RHCE: variants seen among roughly 807,000 people sequenced by gnomAD.
The protein encoded by RHCE is blood group Rh(CE) polypeptide.
RHCE carries 22 observed loss-of-function variants against 43.8 expected under a neutral mutation model. The observed-to-expected ratio is 0.50, with a 90% confidence interval of 0.36 to 0.72. The LOEUF (loss-of-function observed/expected upper bound fraction) is 0.72. Ranked by LOEUF, RHCE falls within the 30% of genes least tolerant of loss-of-function variation. The probability of loss-of-function intolerance (pLI) is 0.00; values close to 1 mark genes in which losing one functional copy is unlikely to be tolerated. For synonymous variants in RHCE, 156 were observed against 210.7 expected (o/e 0.74, Z 2.25); for missense variants, 385 against 525.4 (o/e 0.73, Z 2.61).
chr1:25,383,641 C>T lies in RHCE; in HGVS notation c.1073+2070G>A, dbSNP rs562158170. ...TTACTCTCAGCAAACCAAAGACTTC[C>T]GGAAGAGAGATCATCACTGTCACTA... On this transcript the variant is annotated intron_variant, in intron 7 of 9. Transcript: ENST00000294413. 9.2e-5 allele frequency among the ~76,000 whole-genome samples: 14 copies of T among 152,206 alleles called. 1 individual carries two copies. The highest frequency in any genetic ancestry group is 8.3e-4 in the South Asian group (4 of 4,812).
Position 25,408,888 on chromosome 1 carries a change from G to C in RHCE, c.149-19C>G. On this transcript the variant is annotated intron_variant, in intron 1 of 9. Coordinates refer to ENST00000294413, the MANE Select transcript of RHCE (RefSeq NM_020485.8). ...TGGCCGACTGCTCGGTGGGGAGATG[G>C]TGAGAAGGAGGAGGGGGAAGCAGAC... is the stretch of plus-strand genomic sequence containing the variant. 6.3e-6 allele frequency: 8 copies of C among 1,278,960 alleles called. 2 individuals carry two copies. The highest frequency in any genetic ancestry group is 5.2e-6 in the Non-Finnish European group (5 of 959,060). The allele number at this position is 1,278,960 out of a possible 1,614,324, so 79.2% of individuals were successfully genotyped here. A position where few individuals can be genotyped will look rare whatever the true frequency, so the allele number is the denominator to read the frequency against.
chr1:25,424,504 C>T (rs1384355206), upstream of RHCE, among the ~76,000 whole-genome samples: 1 of 152,180 alleles, frequency 6.6e-6, no homozygotes, highest in African/African-American at 2.4e-5. Context: ...TCTCCCGCCT[C>T]AGCCTCCCGA....
At chr1:25,402,206 G>GTCTGTCTGTCTATCTA (rs796249762) in intron 3 of RHCE, among the ~76,000 whole-genome samples, 577 of 130,422 alleles carry the variant, frequency 4.4e-3, no homozygotes, top group African/African-American at 0.011. Context: ...CTGTCTGTCT[G>GTCTGTCTGTCTATCTA]TCTATCTATC....
chr1:25,371,638 G>T (rs1354358372), intron 8 of RHCE, among the ~76,000 whole-genome samples: 1 of 151,522 alleles, frequency 6.6e-6, no homozygotes, highest in Non-Finnish European at 1.5e-5. Flanking sequence ...CTTCTAAAGG[G>T]CTGCAATTAC....
chr1:25,370,860 T>C (rs1239148067), intron 8 of RHCE, among the ~76,000 whole-genome samples: 1 of 150,080 alleles, frequency 6.7e-6, no homozygotes. Context: ...GCGATTCTCC[T>C]GCCTCAGCCT....
chr1:25,369,819 A>G (rs1332372044), intron 9 of RHCE, among the ~76,000 whole-genome samples: 1 of 143,852 alleles, frequency 7.0e-6, no homozygotes, highest in Non-Finnish European at 1.5e-5. Flanking sequence ...GCTCACTGCA[A>G]CCTCTGCCTC....
At chr1:25,378,135 C>T (rs181204248) in intron 7 of RHCE, among the ~76,000 whole-genome samples, 2 of 152,216 alleles carry the variant, frequency 1.3e-5, no homozygotes, top group African/African-American at 4.8e-5. Flanking sequence ...GGTTTCACTG[C>T]TAAATGACTA....
intron 1 of RHCE, among the ~76,000 whole-genome samples, chr1:25,416,347 T>C (rs1169055559): frequency 6.6e-6 from 1 of 152,046 alleles, no homozygotes; most frequent in African/African-American, 2.4e-5. Flanking sequence ...CACTGAAAGC[T>C]CCGCCTCCTG....
rs1053374 is a variant in RHCE, at chr1:25,385,759, G to A, written c.1025C>T (p.Thr342Ile). The A allele has an allele frequency of 1.3e-3, 2,046 of 1,613,736 alleles. 10 individuals carry two copies. In the African/African-American group the frequency reaches 0.019, roughly 15 times the overall value. ...ATGAAGCACCAGCAGCACAATGTAGGTGATCTCTCCAAGCAGACCCAGCAA... is the reference window on the plus strand; with the variant it reads ...ATGAAGCACCAGCAGCACAATGTAGATGATCTCTCCAAGCAGACCCAGCAA... ...FSLLGLLGEI[T>I]YIVLLVLHTV... Residue 342 changes from threonine (T) to isoleucine (I), a missense_variant, in exon 7 of 10, where the codon ACC (threonine) becomes ATC (isoleucine). Physicochemically the swap from Thr to Ile is moderately conservative, Grantham distance 89 (BLOSUM62 -1). Coordinates refer to ENST00000294413, the MANE Select transcript of RHCE (RefSeq NM_020485.8).
At chr1:25,404,194 ACT>A (rs1016348988) in intron 2 of RHCE, among the ~76,000 whole-genome samples, 7 of 130,296 alleles carry the variant, frequency 5.4e-5, no homozygotes, top group Admixed American at 3.1e-4. Flanking sequence ...AAAAAAATTC[ACT>A]CTCTGTAAAA....
In RHCE at chr1:25,386,770, C is replaced by G. The variant is rs148398875; in HGVS notation, c.940-926G>C. Among the ~76,000 whole-genome samples, 1,340 of 151,518 alleles carry G rather than the reference C, an allele frequency of 8.8e-3. 23 individuals carry two copies. The highest frequency in any genetic ancestry group is 0.03 in the African/African-American group (1,254 of 41,216). ...CCGGGAGGCAGAGCTTGCAGTAAGC[C>G]AAGATGGCGCCACTGCACTCCAGCC... On this transcript the variant is annotated intron_variant, in intron 6 of 9. Coordinates refer to ENST00000294413, the MANE Select transcript of RHCE (RefSeq NM_020485.8).
At chr1:25,401,267 T>G (rs1186313246) in intron 3 of RHCE, among the ~76,000 whole-genome samples, 1 of 152,212 alleles carries the variant, frequency 6.6e-6, no homozygotes, top group East Asian at 1.9e-4. Context: ...ACCCTCATAT[T>G]ACAGACGAAG....
chr1:25,373,513 AT>A (rs1645678397), intron 8 of RHCE, among the ~76,000 whole-genome samples: 2 of 151,816 alleles, frequency 1.3e-5, no homozygotes, highest in Non-Finnish European at 1.5e-5. Context: ...AAGGCCAGAC[AT>A]TGGTATATTA....
At chr1:25,389,191 G>A in intron 5 of RHCE, 78 bp from the exon 6 acceptor site, 4 of 1,500,588 alleles carry the variant, frequency 2.7e-6, no homozygotes, top group Non-Finnish European at 2.8e-6. Flanking sequence ...CCAGCACGCT[G>A]GGAACAAGGC....
intron 3 of RHCE, chr1:25,399,280 G>A (rs1333165662): frequency 5.0e-6 from 4 of 793,860 alleles, no homozygotes; most frequent in Admixed American, 1.9e-5. Flanking sequence ...TCACAATAAG[G>A]AAGAAATAAC....
chr1:25,419,535 G>C (rs2042706641), intron 1 of RHCE, among the ~76,000 whole-genome samples: 1 of 152,054 alleles, frequency 6.6e-6, no homozygotes, highest in African/African-American at 2.4e-5. Context: ...CCAGGCTCAA[G>C]CTTCAACTTT....
intron 1 of RHCE, among the ~76,000 whole-genome samples, chr1:25,419,197 A>G (rs2042692088): frequency 6.6e-6 from 1 of 152,238 alleles, no homozygotes. Context: ...CATGTAGAAT[A>G]GTGCCTGGTA....
chr1:25,389,514 T>C (rs1352679716), intron 5 of RHCE, among the ~76,000 whole-genome samples: 1 of 152,128 alleles, frequency 6.6e-6, no homozygotes, highest in African/African-American at 2.4e-5. Context: ...CCTCAACCAA[T>C]CCTCTTGCCT....
At chr1:25,398,760 C>T in intron 3 of RHCE, 1 of 1,591,672 alleles carries the variant, frequency 6.3e-7, no homozygotes, top group Non-Finnish European at 8.6e-7. Flanking sequence ...TTGCGGTGCC[C>T]AAGGAGGCCG....
Sources: allele counts gnomAD v4.1 joint callset (sites outside exome capture counted in the v4.1 genomes callset), GRCh38; gene constraint gnomAD v4.1.1; transcripts MANE v1.5; gene names NCBI Gene and HGNC (gene_info 2026-07-23, HGNC 2026-07-21).